HADHB: variants seen among roughly 807,000 people sequenced by gnomAD.
The protein encoded by HADHB is trifunctional enzyme subunit beta, mitochondrial.
Under a neutral mutation model 61.9 loss-of-function variants are expected in HADHB, and 50 were observed. That is an observed-to-expected ratio of 0.81 (90% CI 0.64 to 1.02). The LOEUF (loss-of-function observed/expected upper bound fraction) is 1.02, where lower values mean the gene tolerates loss of function less well. Ranked by LOEUF, HADHB falls within the 50% of genes least tolerant of loss-of-function variation. The pLI, the probability that HADHB is intolerant of heterozygous loss-of-function variation, is 0.00. For synonymous variants in HADHB, 191 were observed against 201.6 expected (o/e 0.95, Z 0.45); for missense variants, 504 against 586.5 (o/e 0.86, Z 1.45).
chr2:26,289,016 C>T (rs532358355), intron 15 of HADHB, among the ~76,000 whole-genome samples: 49 of 152,012 alleles, frequency 3.2e-4, no homozygotes, highest in Admixed American at 1.5e-3. Flanking sequence ...TTTGGGAGGC[C>T]GAGGCAGGCA....
intron 4 of HADHB, among the ~76,000 whole-genome samples, chr2:26,264,976 C>T (rs987134014): frequency 8.8e-5 from 13 of 147,530 alleles, no homozygotes; most frequent in Admixed American, 2.0e-4. Flanking sequence ...GGCAACACAG[C>T]GAGACCCTGT....
chr2:26,276,662 G>A (rs1362280621), intron 6 of HADHB, among the ~76,000 whole-genome samples: 3 of 152,224 alleles, frequency 2.0e-5, no homozygotes, highest in Non-Finnish European at 2.9e-5. Context: ...AACACAGATA[G>A]TGAGGACTCC....
intron 4 of HADHB, among the ~76,000 whole-genome samples, chr2:26,266,871 C>CAAAAAAAAAAAAAAAAAAAAA (rs56401595): frequency 2.0e-4 from 9 of 45,422 alleles, no homozygotes; most frequent in African/African-American, 8.9e-4. Flanking sequence ...CACTCTCTCT[C>CAAAAAAAAAAAAAAAAAAAAA]AAAAAAAAAA....
At chr2:26,267,079 T>C (rs1440411068) in intron 4 of HADHB, among the ~76,000 whole-genome samples, 1 of 152,036 alleles carries the variant, frequency 6.6e-6, no homozygotes, top group Non-Finnish European at 1.5e-5. Context: ...AGTTTTTAAG[T>C]TTTAATTTTC....
intron 4 of HADHB, among the ~76,000 whole-genome samples, chr2:26,267,472 A>G (rs1672134608): frequency 6.6e-6 from 1 of 152,230 alleles, no homozygotes; most frequent in South Asian, 2.1e-4. Context: ...CCCAAAGAAT[A>G]AAACAAATGC....
chr2:26,245,324 G>C (rs915591401), intron 1 of HADHB: 2 of 157,552 alleles, frequency 1.3e-5, no homozygotes, highest in Non-Finnish European at 2.8e-5. Flanking sequence ...ATGTAACCCT[G>C]GTCTGCGTAG....
At chr2:26,247,346 C>T (rs551664946) in intron 1 of HADHB, among the ~76,000 whole-genome samples, 2 of 152,260 alleles carry the variant, frequency 1.3e-5, no homozygotes, top group East Asian at 3.9e-4. Flanking sequence ...GGATAATTTG[C>T]TTAGTCCCTC....
At chr2:26,245,247 AGTCTGGGG>A (rs1385880369) in intron 1 of HADHB, 1 of 172,938 alleles carries the variant, frequency 5.8e-6, no homozygotes, top group Non-Finnish European at 1.3e-5. Flanking sequence ...AAGTTAACGA[AGTCTGGGG>A]GTGTGGGGGT....
chr2:26,285,397 G>C lies in HADHB; in HGVS notation c.1225-10G>C. On this transcript the variant is annotated splice_polypyrimidine_tract_variant and intron_variant, in intron 14 of 15. Coordinates refer to ENST00000317799, the MANE Select transcript of HADHB (RefSeq NM_000183.3). Reference sequence around the variant, plus strand: ...ACTTATCTTTACATTTGTGTCTTTGGGGGAGCCAGGTTGGATTGCCTCCTT... The same window carrying C: ...ACTTATCTTTACATTTGTGTCTTTGCGGGAGCCAGGTTGGATTGCCTCCTT... The C allele has an allele frequency of 4.3e-6, 7 of 1,611,408 alleles. No homozygotes were observed. Among genetic ancestry groups the C allele is most frequent in the Non-Finnish European group, 5.9e-6 (7 of 1,177,770 alleles).
intron 4 of HADHB, among the ~76,000 whole-genome samples, chr2:26,267,570 G>A (rs1163630356): frequency 6.6e-6 from 1 of 151,936 alleles, no homozygotes; most frequent in Admixed American, 6.6e-5. Context: ...TCAGGAGTTC[G>A]AGACCAGCCT....
intron 15 of HADHB, among the ~76,000 whole-genome samples, chr2:26,287,461 C>T (rs575459254): frequency 2.6e-5 from 4 of 152,242 alleles, no homozygotes; most frequent in South Asian, 2.1e-4. Flanking sequence ...GAGCATAGTG[C>T]GTAATCCACA....
chr2:26,278,552 A>C (rs1672650082), intron 7 of HADHB, 62 bp from the exon 8 acceptor site: 2 of 1,361,546 alleles, frequency 1.5e-6, no homozygotes, highest in African/African-American at 2.8e-5. Flanking sequence ...AAGAAGCTTA[A>C]ATTGGAATGG....
intron 10 of HADHB, among the ~76,000 whole-genome samples, chr2:26,281,515 C>G (rs1251057315): frequency 5.3e-5 from 8 of 152,156 alleles, no homozygotes; most frequent in Admixed American, 4.6e-4. Context: ...GATGATAGAG[C>G]CATGTGGCAT....
intron 1 of HADHB, among the ~76,000 whole-genome samples, chr2:26,249,140 G>A (rs976270888): frequency 2.6e-5 from 4 of 152,082 alleles, no homozygotes; most frequent in African/African-American, 9.7e-5. Flanking sequence ...AATTTCTTCT[G>A]TGAATGGCTT....
chr2:26,254,815 A>G (rs781270587), intron 3 of HADHB: 7 of 259,162 alleles, frequency 2.7e-5, no homozygotes, highest in South Asian at 5.4e-5. Context: ...GAGACCTGCT[A>G]TGGAACCAAA....
chr2:26,286,896 T>G (rs1257021136), intron 15 of HADHB, among the ~76,000 whole-genome samples: 2 of 149,322 alleles, frequency 1.3e-5, no homozygotes, highest in East Asian at 3.9e-4. Flanking sequence ...CTGATCAAAA[T>G]GAATAAATAT....
Position 26,278,692 on chromosome 2 carries a change from G to A in HADHB, c.521G>A (p.Arg174His), listed in dbSNP as rs1286569512. 4 of 1,613,772 alleles carry A rather than the reference G, an allele frequency of 2.5e-6. No individual in the cohort carries two copies. The highest frequency in any genetic ancestry group is 3.3e-5 in the Admixed American group (2 of 59,976). ...GAGTTGATGTCCGATGTCCCTATTC[G>A]TCACTCAAGGAAAATGAGAAAACTG... ...GVELMSDVPI[R>H]HSRKMRKLML... The change falls in exon 8 of 16, where the codon CGT becomes CAT. Residue 174 changes from arginine to histidine, a missense_variant. Arg to His is a conservative substitution (Grantham distance 29, BLOSUM62 0). Coordinates refer to ENST00000317799, the MANE Select transcript of HADHB (RefSeq NM_000183.3).
chr2:26,256,076 T>A (rs903551635), intron 3 of HADHB, among the ~76,000 whole-genome samples: 1 of 152,256 alleles, frequency 6.6e-6, no homozygotes, highest in African/African-American at 2.4e-5. Flanking sequence ...CCAACTGTAT[T>A]GTAAGCCCTG....
intron 13 of HADHB, 119 bp from the exon 14 acceptor site, chr2:26,284,764 G>T: frequency 1.3e-6 from 1 of 747,564 alleles, no homozygotes; most frequent in Non-Finnish European, 2.5e-6. Context: ...ACTGTGCCTG[G>T]CCGATTTGTT....
Sources: allele counts gnomAD v4.1 joint callset (sites outside exome capture counted in the v4.1 genomes callset), GRCh38; gene constraint gnomAD v4.1.1; transcripts MANE v1.5; gene names NCBI Gene and HGNC (gene_info 2026-07-23, HGNC 2026-07-21).